The following GALNTL6 variants were observed in gnomAD, a reference collection of about 807,000 sequenced individuals.
GALNTL6 encodes the protein polypeptide N-acetylgalactosaminyltransferase-like 6.
GALNTL6 carries 46 observed loss-of-function variants against 73.7 expected under a neutral mutation model. The ratio of observed to expected loss-of-function variants is 0.62; its 90% CI spans 0.49 to 0.80. The LOEUF (loss-of-function observed/expected upper bound fraction) is 0.80, where lower values mean the gene tolerates loss of function less well. Among genes scored for constraint, GALNTL6 ranks in the 30% least tolerant of loss-of-function variants. The pLI is 0.00. For synonymous variants in GALNTL6, 259 were observed against 263.7 expected, an observed-to-expected ratio of 0.98 and a Z score of 0.17; for missense variants, 604 against 755.0, an observed-to-expected ratio of 0.80 and a Z score of 2.34.
chr4:172,093,860 T>G lies in GALNTL6; in HGVS notation c.139-135796T>G, dbSNP rs191844243. On this transcript the variant is annotated intron_variant, in intron 2 of 12. Coordinates refer to ENST00000506823, the MANE Select transcript of GALNTL6 (RefSeq NM_001034845.3). The stretch of plus-strand genomic sequence containing the variant: ...TCCCATCATCGTGAGACTGTTTAGT[T>G]GCAGGAAAACAAGGTCAGGACTCCC... 2.0e-5 allele frequency among the ~76,000 whole-genome samples: 3 copies of G among 152,298 alleles called. No homozygotes were observed. The East Asian group carries it at 5.8e-4, about 29-fold the overall frequency.
At chr4:172,436,419 A>G (rs1731636860) in intron 5 of GALNTL6, among the ~76,000 whole-genome samples, 1 of 152,098 alleles carries the variant, frequency 6.6e-6, no homozygotes, top group African/African-American at 2.4e-5. Flanking sequence ...CCATCCTTGC[A>G]CTGTGGTTCT....
At chr4:172,611,955 C>A (rs1738541833) in intron 5 of GALNTL6, among the ~76,000 whole-genome samples, 1 of 152,062 alleles carries the variant, frequency 6.6e-6, no homozygotes, top group South Asian at 2.1e-4. Flanking sequence ...GGATTTTAAA[C>A]CTTGACTTCT....
At chr4:172,957,115 A>G (rs1356867321) in intron 10 of GALNTL6, among the ~76,000 whole-genome samples, 6 of 152,164 alleles carry the variant, frequency 3.9e-5, no homozygotes, top group African/African-American at 1.4e-4. Flanking sequence ...TGTTGAGTAA[A>G]GCCAATTTGC....
intron 2 of GALNTL6, among the ~76,000 whole-genome samples, chr4:172,074,551 CT>C (rs71592047): frequency 2.7e-5 from 4 of 150,196 alleles, no homozygotes; most frequent in Non-Finnish European, 3.0e-5. Flanking sequence ...GCTTTACAAA[CT>C]TTTTTTTTTA....
At chr4:172,228,908 A>G (rs1011329473) in intron 2 of GALNTL6, among the ~76,000 whole-genome samples, 3 of 152,214 alleles carry the variant, frequency 2.0e-5, no homozygotes, top group African/African-American at 7.2e-5. Flanking sequence ...AAAAGCATAA[A>G]CTATATTTTG....
chr4:172,491,733 C>G (rs337981), intron 5 of GALNTL6, among the ~76,000 whole-genome samples: 118,547 of 152,110 alleles, frequency 0.78, 46,708 homozygotes, highest in East Asian at 0.99. Context: ...ACCTTAAGGA[C>G]TTTTTAAAAA....
intron 2 of GALNTL6, among the ~76,000 whole-genome samples, chr4:171,907,597 C>T (rs1307807434): frequency 6.6e-6 from 1 of 152,068 alleles, no homozygotes; most frequent in East Asian, 1.9e-4. Context: ...TCAATGCCAT[C>T]CCCATCAAGC....
intron 2 of GALNTL6, among the ~76,000 whole-genome samples, chr4:172,208,002 TGAAA>T (rs1736199929): frequency 1.3e-5 from 2 of 152,208 alleles, no homozygotes; most frequent in Admixed American, 6.5e-5. Flanking sequence ...TTTAAGTCAA[TGAAA>T]GAAGACGGAG....
chr4:171,938,016 A>T (rs1017695201), intron 2 of GALNTL6, among the ~76,000 whole-genome samples: 1 of 152,146 alleles, frequency 6.6e-6, no homozygotes, highest in African/African-American at 2.4e-5. Flanking sequence ...GTGTGTGTAT[A>T]AACCTAGTTA....
chr4:172,016,851 A>C (rs754286929), intron 2 of GALNTL6, among the ~76,000 whole-genome samples: 20 of 152,020 alleles, frequency 1.3e-4, no homozygotes, highest in Non-Finnish European at 2.8e-4. Flanking sequence ...TCTGTATGAG[A>C]TCCTTAGTTA....
At chr4:172,345,672 A>C (rs1741716220) in intron 4 of GALNTL6, among the ~76,000 whole-genome samples, 1 of 152,196 alleles carries the variant, frequency 6.6e-6, no homozygotes, top group Admixed American at 6.5e-5. Flanking sequence ...GGTATAACTT[A>C]TTTGCCTATG....
rs192485992 is a variant in GALNTL6, at chr4:172,091,692, C to T, written c.139-137964C>T. Among the ~76,000 whole-genome samples the T allele has an allele frequency of 2.7e-3, 414 of 152,198 alleles. 1 individual carries two copies. The highest frequency in any genetic ancestry group is 4.6e-3 in the Non-Finnish European group (310 of 68,004). On this transcript the variant is annotated intron_variant, in intron 2 of 12. Coordinates refer to ENST00000506823, the MANE Select transcript of GALNTL6 (RefSeq NM_001034845.3). ...ACTCTTATTAAACTTGTGTAAATAG[C>T]GTATTTCCATGAAATAAGAATACTC...
intron 10 of GALNTL6, among the ~76,000 whole-genome samples, chr4:172,958,616 C>T (rs1317698776): frequency 1.3e-5 from 2 of 152,138 alleles, no homozygotes; most frequent in African/African-American, 4.8e-5. Context: ...TTTGAGAGAT[C>T]AGTCAGACAT....
At chr4:171,988,672 TG>T (rs1419389411) in intron 2 of GALNTL6, among the ~76,000 whole-genome samples, 1 of 151,886 alleles carries the variant, frequency 6.6e-6, no homozygotes, top group African/African-American at 2.4e-5. Flanking sequence ...ACAGGTAAAA[TG>T]GGGGAATGGT....
intron 5 of GALNTL6, among the ~76,000 whole-genome samples, chr4:172,576,536 T>A (rs1338915432): frequency 2.0e-5 from 3 of 152,168 alleles, no homozygotes; most frequent in African/African-American, 7.2e-5. Flanking sequence ...GAATCCTGTC[T>A]TTTGCCATTT....
At chr4:172,438,842 C>A (rs1731730103) in intron 5 of GALNTL6, among the ~76,000 whole-genome samples, 1 of 152,006 alleles carries the variant, frequency 6.6e-6, no homozygotes, top group Non-Finnish European at 1.5e-5. Flanking sequence ...TAGGTTATAA[C>A]CTTGCTTGAT....
At chr4:172,480,957 AT>A (rs1238547928) in intron 5 of GALNTL6, among the ~76,000 whole-genome samples, 1 of 152,160 alleles carries the variant, frequency 6.6e-6, no homozygotes, top group Non-Finnish European at 1.5e-5. Flanking sequence ...GCAAATTGAC[AT>A]TTTTGCCATA....
intron 2 of GALNTL6, among the ~76,000 whole-genome samples, chr4:172,115,256 A>G (rs1371998344): frequency 6.6e-6 from 1 of 152,252 alleles, no homozygotes; most frequent in South Asian, 2.1e-4. Flanking sequence ...TAAGTGTAAT[A>G]CTGATGACAG....
At chr4:173,038,382 C>T (rs995775810) in intron 12 of GALNTL6, among the ~76,000 whole-genome samples, 41 of 152,198 alleles carry the variant, frequency 2.7e-4, no homozygotes, top group African/African-American at 9.2e-4. Flanking sequence ...GAAGGGCTGG[C>T]GGAGTGAGCT....
Sources: gnomAD v4.1 joint callset for allele counts (sites outside exome capture counted in the v4.1 genomes callset) on GRCh38, gnomAD v4.1.1 for gene constraint, MANE v1.5 for transcripts, NCBI Gene and HGNC (gene_info 2026-07-23, HGNC 2026-07-21) for gene names.